The following ZNF41 variants were observed in gnomAD, a reference collection of about 807,000 sequenced individuals.
ZNF41 encodes zinc finger protein 41.
In ZNF41, 6 loss-of-function variants were observed where a neutral mutation model predicts 9.3. The observed-to-expected ratio is 0.65, with a 90% confidence interval of 0.35 to 1.28. The LOEUF (loss-of-function observed/expected upper bound fraction) is 1.28, where lower values mean the gene tolerates loss of function less well. Ranked by LOEUF, ZNF41 falls within the 50% of genes most tolerant of loss-of-function variation. The pLI is 0.03. For missense variants in ZNF41, 523 were observed against 585.8 expected (o/e 0.89, Z 1.11); for synonymous variants, 192 against 207.1 (o/e 0.93, Z 0.63).
intron 1 of ZNF41, among the ~76,000 whole-genome samples, chrX:47,471,951 A>G (rs1226778786): frequency 8.9e-6 from 1 of 111,927 alleles, no homozygotes; most frequent in Non-Finnish European, 1.9e-5. Context: ...CTACAATAAG[A>G]TAATCCCACC....
intron 4 of ZNF41, among the ~76,000 whole-genome samples, chrX:47,454,956 A>C (rs4327971): frequency 0.23 from 25,376 of 110,929 alleles, 2,602 homozygotes; most frequent in South Asian, 0.4. Context: ...GAATAAAAGA[A>C]AAGACCTGGC....
At chrX:47,467,332 G>A in intron 2 of ZNF41, 78 bp downstream of exon 2, 1 of 1,167,164 alleles carries the variant, frequency 8.6e-7, no homozygotes, top group Non-Finnish European at 1.1e-6. Flanking sequence ...ACCTGCTTCT[G>A]CCCTTAGGCC....
intron 1 of ZNF41, chrX:47,482,828 C>T (rs374401371): frequency 8.8e-6 from 1 of 113,157 alleles, no homozygotes; most frequent in East Asian, 2.8e-4. Flanking sequence ...CCAGGCTTCT[C>T]CCCTCCGCCG....
At chrX:47,472,015 G>A (rs945875021) in intron 1 of ZNF41, among the ~76,000 whole-genome samples, 1 of 111,600 alleles carries the variant, frequency 9.0e-6, no homozygotes, top group African/African-American at 3.3e-5. Context: ...GCAAGGATGT[G>A]GAGCAGCCAA....
In ZNF41 at chrX:47,445,649, A is replaced by G. The variant is rs1005137538; in HGVS notation, c.*1781T>C. 1.8e-5 allele frequency among the ~76,000 whole-genome samples: 2 copies of G among 112,026 alleles called. No homozygotes were observed. Among genetic ancestry groups the G allele is most frequent in the Non-Finnish European group, 3.8e-5 (2 of 53,220 alleles). Reference sequence around the variant, plus strand: ...ATGGATACACTTAGGTACATACCTAACAGGAATACATACATATGTTCACCA... The same window carrying G: ...ATGGATACACTTAGGTACATACCTAGCAGGAATACATACATATGTTCACCA... On this transcript the variant is annotated 3_prime_UTR_variant, in exon 5 of 5. Coordinates refer to ENST00000684689, the MANE Select transcript of ZNF41 (RefSeq NM_001324144.2).
chrX:47,478,234 G>A (rs751972112), intron 1 of ZNF41, among the ~76,000 whole-genome samples: 56 of 112,278 alleles, frequency 5.0e-4, no homozygotes, highest in Middle Eastern at 4.6e-3. Context: ...CGCCACATGC[G>A]GTGGCTCACA....
At chrX:47,477,986 G>A (rs959971740) in intron 1 of ZNF41, among the ~76,000 whole-genome samples, 2 of 112,590 alleles carry the variant, frequency 1.8e-5, no homozygotes, top group African/African-American at 6.4e-5. Context: ...AAAATGTGGT[G>A]TATCCATACA....
chrX:47,466,320 G>A (rs144829122), intron 2 of ZNF41, among the ~76,000 whole-genome samples: 26 of 110,850 alleles, frequency 2.3e-4, no homozygotes, highest in African/African-American at 5.2e-4. Flanking sequence ...GGGAGCTGTC[G>A]GGCAGGGTCT....
At chrX:47,476,592 G>A (rs761786758) in intron 1 of ZNF41, among the ~76,000 whole-genome samples, 2 of 111,168 alleles carry the variant, frequency 1.8e-5, no homozygotes, top group Admixed American at 1.9e-4. Flanking sequence ...GGCCACTAGA[G>A]AAATGGAAAT....
At chrX:47,466,240 C>T in intron 2 of ZNF41, among the ~76,000 whole-genome samples, 1 of 111,312 alleles carries the variant, frequency 9.0e-6, no homozygotes, top group South Asian at 3.8e-4. Context: ...CTAATGACTG[C>T]ATGACCCTGA....
At chrX:47,459,742 TAA>T (rs768291943) in intron 2 of ZNF41, among the ~76,000 whole-genome samples, 3 of 16,159 alleles carry the variant, frequency 1.9e-4, no homozygotes, top group African/African-American at 5.1e-4. Context: ...AGACCCTATC[TAA>T]AAAAAAAAAA....
chrX:47,462,881 A>C (rs1602918041), intron 2 of ZNF41, among the ~76,000 whole-genome samples: 1 of 100,597 alleles, frequency 9.9e-6, no homozygotes, highest in African/African-American at 3.7e-5. Context: ...CCTCAGTACC[A>C]CCCTACCCGG....
At chrX:47,461,151 G>A (rs2056774846) in intron 2 of ZNF41, among the ~76,000 whole-genome samples, 1 of 103,879 alleles carries the variant, frequency 9.6e-6, no homozygotes, top group Non-Finnish European at 2.0e-5. Flanking sequence ...AGGCTGGAGT[G>A]CAGTAGCTTG....
chrX:47,472,200 T>C (rs1430833241), intron 1 of ZNF41, among the ~76,000 whole-genome samples: 3 of 111,352 alleles, frequency 2.7e-5, no homozygotes, highest in Non-Finnish European at 3.8e-5. Flanking sequence ...ATGATAATGC[T>C]CATGGTAGCT....
chrX:47,482,305 C>G (rs2057494452), intron 1 of ZNF41, among the ~76,000 whole-genome samples: 1 of 111,154 alleles, frequency 9.0e-6, no homozygotes, highest in African/African-American at 3.3e-5. Flanking sequence ...TAAATGACCC[C>G]AGAGAAGCCT....
rs1424794655 is a variant in ZNF41, at chrX:47,446,718, A to G, written c.*712T>C. 8.9e-6 allele frequency: 1 copy of G among 112,069 alleles called. No homozygotes were observed. Among genetic ancestry groups the G allele is most frequent in the Non-Finnish European group, 1.9e-5 (1 of 53,386 alleles). The allele number at this position is 112,069 out of a possible 1,213,427, so 9.2% of individuals were successfully genotyped here. On this transcript the variant is annotated 3_prime_UTR_variant, in exon 5 of 5. Coordinates refer to ENST00000684689, the MANE Select transcript of ZNF41 (RefSeq NM_001324144.2). ...TACCTTTATATGTCTGTATCATTCAATGACTATATTTCTGTAACATAGCCT... is the reference window on the plus strand; with the variant it reads ...TACCTTTATATGTCTGTATCATTCAGTGACTATATTTCTGTAACATAGCCT...
In ZNF41 at chrX:47,448,709, G is replaced by C; in HGVS notation, c.1061C>G (p.Pro354Arg). The C allele has an allele frequency of 8.3e-7, 1 of 1,211,549 alleles. No homozygotes were observed. Among genetic ancestry groups the C allele is most frequent in the Non-Finnish European group, 1.1e-6 (1 of 895,519 alleles). ...TTTTCCACATTCACTGCATTTGTAG[G>C]GTTTCTGCCCGGTATGAATTTTTTG... Reference protein sequence around the residue: ...THQKIHTGQKPYKCSECGKAF... With the variant: ...THQKIHTGQKRYKCSECGKAF... Residue 354 changes from proline to arginine, a missense_variant, in exon 5 of 5, where the codon CCC (proline) becomes CGC (arginine). By Grantham distance (103) the Pro-to-Arg change is moderately radical. Coordinates refer to ENST00000684689, the MANE Select transcript of ZNF41 (RefSeq NM_001324144.2).
At chrX:47,457,394 AGAGT>A (rs2056607391) in intron 2 of ZNF41, among the ~76,000 whole-genome samples, 1 of 110,400 alleles carries the variant, frequency 9.1e-6, no homozygotes, top group African/African-American at 3.3e-5. Context: ...TGGGTGATAC[AGAGT>A]GAGACTCCGT....
intron 2 of ZNF41, among the ~76,000 whole-genome samples, chrX:47,457,830 C>T (rs2091920481): frequency 8.9e-6 from 1 of 112,108 alleles, no homozygotes; most frequent in African/African-American, 3.2e-5. Context: ...GAACGAGACT[C>T]CATCTCAAAA....
Sources: gnomAD v4.1 joint callset for allele counts (sites outside exome capture counted in the v4.1 genomes callset) on GRCh38, gnomAD v4.1.1 for gene constraint, MANE v1.5 for transcripts, NCBI Gene and HGNC (gene_info 2026-07-23, HGNC 2026-07-21) for gene names.